The following RABGAP1L variants were observed in gnomAD, a reference collection of about 807,000 sequenced individuals.
RABGAP1L encodes the protein RAB GTPase activating protein 1 like, also known as rab GTPase-activating protein 1-like.
RABGAP1L carries 63 observed loss-of-function variants against 137.7 expected under a neutral mutation model. That is an observed-to-expected ratio of 0.46 (90% confidence interval 0.37 to 0.56). The LOEUF (loss-of-function observed/expected upper bound fraction) is 0.56. Among genes scored for constraint, RABGAP1L ranks in the 20% least tolerant of loss-of-function variants. The probability of loss-of-function intolerance (pLI) is 0.00; values close to 1 mark genes in which losing one functional copy is unlikely to be tolerated. For missense variants in RABGAP1L, 1,095 were observed against 1,244.0 expected (o/e 0.88, Z 1.80); for synonymous variants, 431 against 433.7 (o/e 0.99, Z 0.08).
At chr1:174,583,357 TAGGAAG>T (rs1668881486) in intron 13 of RABGAP1L, among the ~76,000 whole-genome samples, 1 of 152,098 alleles carries the variant, frequency 6.6e-6, no homozygotes, top group Non-Finnish European at 1.5e-5. Context: ...CTGCATCTCC[TAGGAAG>T]TGAGTTTTGG....
At chr1:174,318,669 T>A (rs1199774563) in intron 11 of RABGAP1L, among the ~76,000 whole-genome samples, 1 of 151,534 alleles carries the variant, frequency 6.6e-6, no homozygotes, top group East Asian at 1.9e-4. Flanking sequence ...TGTTCCTGTC[T>A]TACTCTCTTT....
intron 13 of RABGAP1L, among the ~76,000 whole-genome samples, chr1:174,615,771 C>A (rs946644181): frequency 1.3e-5 from 2 of 152,200 alleles, no homozygotes; most frequent in Non-Finnish European, 2.9e-5. Context: ...CCTAAGCAAG[C>A]CTGGGCAATG....
chr1:174,703,365 A>G (rs1363536109), intron 17 of RABGAP1L, among the ~76,000 whole-genome samples: 1 of 152,108 alleles, frequency 6.6e-6, no homozygotes, highest in Non-Finnish European at 1.5e-5. Context: ...GAGTTGTTTT[A>G]CTTAACATAA....
chr1:174,513,340 T>G (rs184067822), intron 13 of RABGAP1L, among the ~76,000 whole-genome samples: 14 of 152,280 alleles, frequency 9.2e-5, no homozygotes, highest in African/African-American at 2.6e-4. Flanking sequence ...AGCTCACGCC[T>G]GTAATTTTAG....
intron 20 of RABGAP1L, among the ~76,000 whole-genome samples, chr1:174,961,377 T>C (rs1669071798): frequency 6.6e-6 from 1 of 152,256 alleles, no homozygotes; most frequent in African/African-American, 2.4e-5. Context: ...GAAATTAAAA[T>C]ACTTTCTATC....
intron 18 of RABGAP1L, among the ~76,000 whole-genome samples, chr1:174,758,199 CT>C (rs1684924152): frequency 6.6e-6 from 1 of 151,758 alleles, no homozygotes; most frequent in Admixed American, 6.6e-5. Flanking sequence ...TTTTCCCCTT[CT>C]TTTTTTATGT....
chr1:174,611,283 G>T (rs1230846949), intron 13 of RABGAP1L, among the ~76,000 whole-genome samples: 2 of 150,800 alleles, frequency 1.3e-5, no homozygotes, highest in Non-Finnish European at 3.0e-5. Flanking sequence ...TGGCTAGCCA[G>T]TTTTCCCAGC....
In RABGAP1L at chr1:174,823,874, G is replaced by T. The variant is rs116082442; in HGVS notation, c.2340+11914G>T. Among the ~76,000 whole-genome samples, 1,444 of 152,268 alleles carry T rather than the reference G, an allele frequency of 9.5e-3. 25 individuals carry two copies. The highest frequency in any genetic ancestry group is 0.033 in the African/African-American group (1,385 of 41,560). ...AATAAATTAGAAATTGGCTGGGTAA[G>T]TGGCTCATGCCTGTAATACTTGCCT... On this transcript the variant is annotated intron_variant, in intron 19 of 25. Coordinates refer to ENST00000681986, the MANE Select transcript of RABGAP1L (RefSeq NM_001366446.1).
At position 174,995,277 on chromosome 1, in the gene RABGAP1L, T is replaced by A. The variant is rs1672297151; in HGVS notation, c.*5276T>A. On this transcript the variant is annotated 3_prime_UTR_variant, in exon 26 of 26. Coordinates refer to ENST00000681986, the MANE Select transcript of RABGAP1L (RefSeq NM_001366446.1). ...CTTTGTGTTGCCCCTTTGGCCCCATTAAGCAGTAATAAACATTTGTTCTGA... is the reference window on the plus strand; with the variant it reads ...CTTTGTGTTGCCCCTTTGGCCCCATAAAGCAGTAATAAACATTTGTTCTGA... 1 of 152,254 alleles carries A rather than the reference T, an allele frequency of 6.6e-6. No individual in the cohort carries two copies. Among genetic ancestry groups the A allele is most frequent in the Non-Finnish European group, 1.5e-5 (1 of 68,038 alleles). The allele number at this position is 152,254 out of a possible 1,614,324, so 9.4% of individuals were successfully genotyped here.
At chr1:174,832,152 G>C (rs974985168) in intron 19 of RABGAP1L, among the ~76,000 whole-genome samples, 1 of 146,706 alleles carries the variant, frequency 6.8e-6, no homozygotes, top group Non-Finnish European at 1.5e-5. Flanking sequence ...AATTAGCCAG[G>C]TGTGGTGTCA....
intron 18 of RABGAP1L, among the ~76,000 whole-genome samples, chr1:174,777,499 G>C (rs1167655784): frequency 1.3e-5 from 2 of 152,172 alleles, no homozygotes; most frequent in African/African-American, 2.4e-5. Flanking sequence ...AATCACCCCT[G>C]GTTGAGCATC....
chr1:174,672,135 T>A (rs1161368080), intron 14 of RABGAP1L, among the ~76,000 whole-genome samples: 1 of 152,128 alleles, frequency 6.6e-6, no homozygotes, highest in African/African-American at 2.4e-5. Flanking sequence ...TAATAATTTC[T>A]TATGATCCTT....
intron 4 of RABGAP1L, among the ~76,000 whole-genome samples, chr1:174,239,191 C>G (rs568218764): frequency 0.011 from 1,656 of 152,280 alleles, 31 homozygotes; most frequent in African/African-American, 0.038. Flanking sequence ...GAGATGAACC[C>G]GGTACCTCAG....
chr1:174,987,536 G>A (rs1047830251), intron 24 of RABGAP1L, among the ~76,000 whole-genome samples: 3 of 152,172 alleles, frequency 2.0e-5, no homozygotes, highest in African/African-American at 7.2e-5. Flanking sequence ...ATCCAAAGTC[G>A]TCAGGCCCAA....
At chr1:174,631,818 G>GCACAC (rs1214966686) in intron 13 of RABGAP1L, among the ~76,000 whole-genome samples, 1 of 150,992 alleles carries the variant, frequency 6.6e-6, no homozygotes, top group Non-Finnish European at 1.5e-5. Context: ...CCTGAATACA[G>GCACAC]CACACTGATG....
At chr1:174,892,477 AG>A in intron 19 of RABGAP1L, 1 of 463,760 alleles carries the variant, frequency 2.2e-6, no homozygotes, top group Non-Finnish European at 4.3e-6. Flanking sequence ...TTCACCTTCC[AG>A]CTTCTTTTCT....
intron 13 of RABGAP1L, among the ~76,000 whole-genome samples, chr1:174,596,401 T>G (rs543371673): frequency 6.6e-6 from 1 of 152,184 alleles, no homozygotes; most frequent in Admixed American, 6.5e-5. Flanking sequence ...CTTTCATCAG[T>G]GTTTTGTAGT....
intron 13 of RABGAP1L, among the ~76,000 whole-genome samples, chr1:174,573,892 G>A (rs1668173784): frequency 6.6e-6 from 1 of 152,212 alleles, no homozygotes; most frequent in African/African-American, 2.4e-5. Flanking sequence ...TACTTGAACT[G>A]AAATTTAGTT....
intron 13 of RABGAP1L, among the ~76,000 whole-genome samples, chr1:174,631,642 AT>A (rs1489801487): frequency 1.3e-3 from 116 of 88,844 alleles, no homozygotes; most frequent in Non-Finnish European, 2.1e-3. Context: ...CTTTACCATT[AT>A]GTAATGGCCT....
Sources: allele counts gnomAD v4.1 joint callset (sites outside exome capture counted in the v4.1 genomes callset), GRCh38; gene constraint gnomAD v4.1.1; transcripts MANE v1.5; gene names NCBI Gene and HGNC (gene_info 2026-07-23, HGNC 2026-07-21).